Variants in SLC37A1 observed in about 807,000 individuals in gnomAD.
The protein encoded by SLC37A1 is solute carrier family 37 member 1.
A neutral mutation model predicts 75.3 loss-of-function variants in SLC37A1; 49 were observed. The ratio of observed to expected loss-of-function variants is 0.65; its 90% confidence interval spans 0.52 to 0.83. SLC37A1 has a LOEUF of 0.83. SLC37A1 is among the 40% of genes least tolerant of loss of function. SLC37A1 has a pLI of 0.00. For missense variants in SLC37A1, 566 were observed against 695.0 expected (o/e 0.81, Z 2.09); for synonymous variants, 268 against 292.1 (o/e 0.92, Z 0.84).
At chr21:42,525,555 T>G (rs2054768384) in intron 2 of SLC37A1, among the ~76,000 whole-genome samples, 1 of 152,226 alleles carries the variant, frequency 6.6e-6, no homozygotes, top group Non-Finnish European at 1.5e-5. Flanking sequence ...AGCAGTCTGG[T>G]TTTTCCTGTC....
At chr21:42,579,867 G>C (rs144042507) in intron 19 of SLC37A1, 67 bp downstream of exon 19, 3 of 1,494,996 alleles carry the variant, frequency 2.0e-6, no homozygotes, top group Non-Finnish European at 2.8e-6. Context: ...TGTCCTATCT[G>C]CCTTCTGCAC....
chr21:42,579,314 C>G (rs1295296816), intron 18 of SLC37A1, among the ~76,000 whole-genome samples: 1 of 152,202 alleles, frequency 6.6e-6, no homozygotes, highest in Non-Finnish European at 1.5e-5. Flanking sequence ...TTTAGAGTCA[C>G]CTGAGAAGCT....
intron 14 of SLC37A1, among the ~76,000 whole-genome samples, chr21:42,565,476 G>T (rs1390707559): frequency 6.6e-6 from 1 of 152,242 alleles, no homozygotes; most frequent in Non-Finnish European, 1.5e-5. Context: ...CCACTGGGGG[G>T]TGGGCAGCCT....
Position 42,579,766 on chromosome 21 carries a change from A to G in SLC37A1, c.1552A>G (p.Ser518Gly), listed in dbSNP as rs756146588. ...GATCCGCCTCATACACAAGGAGCTGAGCTGCCCAGGGTCAGCTACGGGGGA... is the reference window on the plus strand; with the variant it reads ...GATCCGCCTCATACACAAGGAGCTGGGCTGCCCAGGGTCAGCTACGGGGGA... Reference protein sequence around the residue: ...FLIRLIHKELSCPGSATGDQV... With the variant: ...FLIRLIHKELGCPGSATGDQV... Residue 518 changes from serine to glycine, a missense_variant, in exon 19 of 20, where the codon AGC becomes GGC. Ser to Gly is a moderately conservative substitution (Grantham distance 56). Transcript: ENST00000352133. The G allele has an allele frequency of 3.4e-5, 55 of 1,614,050 alleles. No individual in the cohort carries two copies. The highest frequency in any genetic ancestry group is 4.6e-5 in the Non-Finnish European group (54 of 1,180,046).
chr21:42,523,219 C>T (rs2054697889), intron 2 of SLC37A1, among the ~76,000 whole-genome samples: 1 of 152,238 alleles, frequency 6.6e-6, no homozygotes, highest in Admixed American at 6.5e-5. Context: ...GGTCCATGGA[C>T]TTGTCTGAGA....
At chr21:42,546,017 A>G (rs2055399197) in intron 8 of SLC37A1, among the ~76,000 whole-genome samples, 1 of 152,146 alleles carries the variant, frequency 6.6e-6, no homozygotes, top group Non-Finnish European at 1.5e-5. Context: ...TCCCTCTATG[A>G]TGTCACCCTG....
rs2839543 is a variant in SLC37A1 at position 42,544,865 on chromosome 21, C to T, written c.730+1263C>T. ...TTTGAGACACCAGCCACCCGGAGAA[C>T]AATGTGCCTCTCTTTGTTAGCGCAC... On this transcript the variant is annotated intron_variant, in intron 8 of 19. Coordinates refer to ENST00000352133, the MANE Select transcript of SLC37A1 (RefSeq NM_001320537.2). 5.9e-5 allele frequency among the ~76,000 whole-genome samples: 9 copies of T among 152,312 alleles called. No individual in the cohort carries two copies. The East Asian group carries it at 1.7e-3, about 29-fold the overall frequency.
At position 42,525,794 on chromosome 21, in the gene SLC37A1, T is replaced by C; in HGVS notation, c.75T>C (p.Phe25=). 6.2e-7 allele frequency: 1 copy of C among 1,614,094 alleles called. No individual in the cohort carries two copies. ...GTTTCAGGTACAGAGCCTTCATTTT[T>C]ATTTTGACATTTCTGCTGTATGCAA... The part of the protein sequence containing the change: ...SRDQWYRAFI[F]ILTFLLYASF... The change falls in exon 3 of 20, where the codon TTT becomes TTC. Residue 25 remains phenylalanine (F), a synonymous_variant. Coordinates refer to ENST00000352133, the MANE Select transcript of SLC37A1 (RefSeq NM_001320537.2).
At chr21:42,526,286 G>T (rs1212785796) in intron 3 of SLC37A1, among the ~76,000 whole-genome samples, 1 of 152,210 alleles carries the variant, frequency 6.6e-6, no homozygotes, top group Non-Finnish European at 1.5e-5. Context: ...GCAGGAAGTT[G>T]TTAAGCAGGT....
At chr21:42,509,005 C>T (rs949948762), upstream of SLC37A1, among the ~76,000 whole-genome samples, 1 of 152,188 alleles carries the variant, frequency 6.6e-6, no homozygotes, top group Admixed American at 6.5e-5. The surrounding 1 kb of genome is among the most constrained non-coding windows in gnomAD (Gnocchi z 4.2). Flanking sequence ...AATGCCATTA[C>T]CTAAATTAAG....
chr21:42,572,939 G>T (rs911772104), intron 17 of SLC37A1, among the ~76,000 whole-genome samples: 11 of 152,200 alleles, frequency 7.2e-5, no homozygotes, highest in African/African-American at 2.7e-4. Context: ...TCTCTGTGGG[G>T]ACAGTGTGCT....
chr21:42,528,701 C>T (rs1206483753), intron 3 of SLC37A1, among the ~76,000 whole-genome samples: 1 of 152,144 alleles, frequency 6.6e-6, no homozygotes, highest in East Asian at 1.9e-4. Flanking sequence ...TGGTGACAGG[C>T]GCCTGTAATC....
At chr21:42,519,915 A>G (rs1373345994) in intron 2 of SLC37A1, among the ~76,000 whole-genome samples, 2 of 152,128 alleles carry the variant, frequency 1.3e-5, no homozygotes, top group Non-Finnish European at 2.9e-5. Flanking sequence ...TATGTCAAAG[A>G]TTAACATTTA....
chr21:42,539,784 C>T (rs755865112), intron 6 of SLC37A1, 137 bp downstream of exon 6: 34 of 785,390 alleles, frequency 4.3e-5, no homozygotes, highest in South Asian at 1.0e-4. Context: ...GGTCAGCTGA[C>T]GTAACAAAGT....
At chr21:42,557,223 G>A (rs781735597) in intron 10 of SLC37A1, among the ~76,000 whole-genome samples, 3 of 152,208 alleles carry the variant, frequency 2.0e-5, no homozygotes, top group East Asian at 1.9e-4. Context: ...CCTGCGGAAC[G>A]GCCTGTGAAG....
At chr21:42,579,979 G>A (rs1265505936) in intron 19 of SLC37A1, among the ~76,000 whole-genome samples, 179 bp downstream of exon 19, 5 of 152,174 alleles carry the variant, frequency 3.3e-5, no homozygotes, top group African/African-American at 1.2e-4. Context: ...GGATGGGTTA[G>A]TGGTAATCTC....
chr21:42,572,414 G>A lies in SLC37A1; in HGVS notation c.1424-2404G>A, dbSNP rs116990768. On this transcript the variant is annotated intron_variant, in intron 17 of 19. Transcript: ENST00000352133. ...GATTTGTTTTTTCTTTCTGGAAAAT[G>A]TATTAGTCAGATGTAGGCTTTTCTG... is the stretch of plus-strand genomic sequence containing the variant. Among the ~76,000 whole-genome samples the A allele has an allele frequency of 1.9e-3, 293 of 152,186 alleles. 10 individuals are homozygous for A. In the East Asian group the frequency reaches 0.044, roughly 23 times the overall value.
rs2054521798 is a variant in SLC37A1, at chr21:42,516,373, C to G, written c.-179+1656C>G. On this transcript the variant is annotated intron_variant, in intron 1 of 19. Coordinates refer to ENST00000352133, the MANE Select transcript of SLC37A1 (RefSeq NM_001320537.2). ...CGAGCCGCCTAGCCTCATTTTTCTCCCTTGTGAAAAGAACGCCCTGCCTCT... is the reference window on the plus strand; with the variant it reads ...CGAGCCGCCTAGCCTCATTTTTCTCGCTTGTGAAAAGAACGCCCTGCCTCT... 2.6e-5 allele frequency among the ~76,000 whole-genome samples: 4 copies of G among 152,132 alleles called. No homozygotes were observed. The South Asian group carries it at 8.3e-4, about 32-fold the overall frequency.
In SLC37A1 at chr21:42,530,654, A is replaced by ACACACACCC. The variant is rs1161313598; in HGVS notation, c.139-4043_139-4042insACACACCCC. Among the ~76,000 whole-genome samples, 105 of 35,884 alleles carry ACACACACCC rather than the reference A, an allele frequency of 2.9e-3. 10 individuals are homozygous for ACACACACCC. The highest frequency in any genetic ancestry group is 9.6e-3 in the Middle Eastern group (1 of 104). The allele number at this position is 35,884 out of a possible 152,430, so 23.5% of individuals were successfully genotyped here. ...CACACACACACACACACACACACACACCCCCTCTGTGTTGGCTGAAGGTGG... is the reference window on the plus strand; with the variant it reads ...CACACACACACACACACACACACACACACACACCCCCCCCTCTGTGTTGGCTGAAGGTGG... On this transcript the variant is annotated intron_variant, in intron 3 of 19. Transcript: ENST00000352133.
Sources: allele counts gnomAD v4.1 joint callset (sites outside exome capture counted in the v4.1 genomes callset), GRCh38; gene constraint gnomAD v4.1.1; non-coding constraint Gnocchi (gnomAD v3.1); transcripts MANE v1.5; gene names NCBI Gene and HGNC (gene_info 2026-07-23, HGNC 2026-07-21).